The following NTNG2 variants were observed in gnomAD, a reference collection of about 807,000 sequenced individuals.
The protein encoded by NTNG2 is netrin-G2.
A neutral mutation model predicts 47.6 loss-of-function variants in NTNG2; 15 were observed. That is an observed-to-expected ratio of 0.32 (90% CI 0.21 to 0.49). The LOEUF (loss-of-function observed/expected upper bound fraction) is 0.49, where lower values mean the gene tolerates loss of function less well. Among genes scored for constraint, NTNG2 ranks in the 20% least tolerant of loss-of-function variants. The probability of loss-of-function intolerance (pLI) is 0.99; values close to 1 mark genes in which losing one functional copy is unlikely to be tolerated. For synonymous variants in NTNG2, 307 were observed against 324.6 expected (o/e 0.95, Z 0.58); for missense variants, 578 against 764.6 (o/e 0.76, Z 2.88).
chr9:132,185,174 G>A (rs895944956), intron 2 of NTNG2, among the ~76,000 whole-genome samples: 1 of 152,180 alleles, frequency 6.6e-6, no homozygotes, highest in Non-Finnish European at 1.5e-5. Flanking sequence ...TGGGGACCAG[G>A]CTTCACTCTC....
chr9:132,193,578 T>C (rs1410527036), intron 2 of NTNG2, among the ~76,000 whole-genome samples: 1 of 152,102 alleles, frequency 6.6e-6, no homozygotes, highest in Non-Finnish European at 1.5e-5. Flanking sequence ...TGACGCAGTG[T>C]GACGCCACTT....
intron 5 of NTNG2, among the ~76,000 whole-genome samples, chr9:132,238,733 T>A (rs2777470): frequency 6.6e-6 from 1 of 152,228 alleles, no homozygotes; most frequent in South Asian, 2.1e-4. Context: ...GGCATGACCC[T>A]GCCCTCCTTG....
At chr9:132,217,588 CTTG>C (rs1396737874) in intron 3 of NTNG2, among the ~76,000 whole-genome samples, 2 of 152,198 alleles carry the variant, frequency 1.3e-5, no homozygotes, top group African/African-American at 2.4e-5. Flanking sequence ...GATAACTTCA[CTTG>C]TTGAAAGCTC....
At chr9:132,184,899 A>G (rs942044462) in intron 2 of NTNG2, among the ~76,000 whole-genome samples, 17 of 152,250 alleles carry the variant, frequency 1.1e-4, no homozygotes, top group Admixed American at 3.3e-4. Context: ...TCCAGCCTGG[A>G]CAACAAGAGC....
chr9:132,181,289 C>G (rs1836913893), intron 2 of NTNG2, among the ~76,000 whole-genome samples: 1 of 149,506 alleles, frequency 6.7e-6, no homozygotes, highest in Non-Finnish European at 1.5e-5. Context: ...TGCCATGTTG[C>G]CCAGGCTGGT....
At chr9:132,212,886 C>T (rs887072382) in intron 3 of NTNG2, among the ~76,000 whole-genome samples, 6 of 152,126 alleles carry the variant, frequency 3.9e-5, no homozygotes, top group African/African-American at 1.4e-4. Flanking sequence ...GGCTGCTGCC[C>T]ATCTCCCCAC....
At chr9:132,229,581 T>G (rs1412987892) in intron 4 of NTNG2, among the ~76,000 whole-genome samples, 1 of 152,150 alleles carries the variant, frequency 6.6e-6, no homozygotes, top group African/African-American at 2.4e-5. Flanking sequence ...AGAGCCTCAC[T>G]TGGTCACCAC....
intron 7 of NTNG2, chr9:132,241,327 C>T (rs1489356638): frequency 6.8e-6 from 3 of 439,526 alleles, no homozygotes; most frequent in Non-Finnish European, 8.0e-6. Context: ...GACCCGGGGG[C>T]GGTGGACGGG....
chr9:132,229,270 C>T (rs928652608), intron 4 of NTNG2, among the ~76,000 whole-genome samples: 1 of 152,146 alleles, frequency 6.6e-6, no homozygotes, highest in African/African-American at 2.4e-5. Context: ...CTAATTTTGC[C>T]CTCACCCTGC....
At chr9:132,219,233 GA>G (rs991338151) in intron 3 of NTNG2, among the ~76,000 whole-genome samples, 20 of 141,888 alleles carry the variant, frequency 1.4e-4, no homozygotes, top group South Asian at 4.5e-4. Context: ...AAAAAAAAAA[GA>G]AAAAAAAAGT....
Position 132,180,961 on chromosome 9 carries a change from A to G in NTNG2, c.213+13917A>G, listed in dbSNP as rs1374695267. Among the ~76,000 whole-genome samples the G allele has an allele frequency of 6.6e-6, 1 of 152,230 alleles. No homozygotes were observed. Among genetic ancestry groups the G allele is most frequent in the East Asian group, 1.9e-4 (1 of 5,200 alleles). ...TTCAGGGACTTCCCAGATTTCTCTG[A>G]GTCCATCCGTGGTCACTTTCGGTCA... On this transcript the variant is annotated intron_variant, in intron 2 of 7. Transcript: ENST00000393229. This position sits in a 1 kb window ranked among gnomAD's most constrained non-coding sequence, Gnocchi z 4.2.
At chr9:132,175,884 G>A (rs1564386933) in intron 2 of NTNG2, among the ~76,000 whole-genome samples, 1 of 152,186 alleles carries the variant, frequency 6.6e-6, no homozygotes, top group Non-Finnish European at 1.5e-5. Flanking sequence ...TGGGAGTTTA[G>A]GGAAATCCAG....
At chr9:132,203,423 G>A (rs558345803) in intron 3 of NTNG2, among the ~76,000 whole-genome samples, 26 of 152,104 alleles carry the variant, frequency 1.7e-4, no homozygotes, top group Admixed American at 5.2e-4. Context: ...TGGTACCAGC[G>A]GAAGCGATAG....
chr9:132,179,954 A>G (rs1396946949), intron 2 of NTNG2, among the ~76,000 whole-genome samples: 2 of 152,128 alleles, frequency 1.3e-5, no homozygotes, highest in African/African-American at 2.4e-5. Context: ...AGGGAATTGT[A>G]TTGGAATATC....
chr9:132,167,665 G>C (rs1835596582), intron 2 of NTNG2, among the ~76,000 whole-genome samples: 1 of 152,158 alleles, frequency 6.6e-6, no homozygotes, highest in African/African-American at 2.4e-5. Flanking sequence ...GCAGCCCCTG[G>C]GTAAGTCGGG....
rs188733790 is a variant in NTNG2 at position 132,230,468 on chromosome 9, G to A, written c.1031-104G>A. Reference sequence around the variant, plus strand: ...GTGGAGCAGGTGCTCTTGAGGGAGCGACACCTCCAGGTGCTCCCCTGCCCT... The same window carrying A: ...GTGGAGCAGGTGCTCTTGAGGGAGCAACACCTCCAGGTGCTCCCCTGCCCT... On this transcript the variant is annotated intron_variant, in intron 4 of 7. Coordinates refer to ENST00000393229, the MANE Select transcript of NTNG2 (RefSeq NM_032536.4). 2.8e-4 allele frequency: 288 copies of A among 1,040,650 alleles called. 1 individual carries two copies. The East Asian group carries it at 6.1e-3, about 22-fold the overall frequency. 64.5% of individuals were successfully genotyped at this position (1,040,650 alleles called of 1,614,324 possible).
rs1455646299 is a variant in NTNG2, at chr9:132,166,761, C to T, written c.-71C>T. On this transcript the variant is annotated 5_prime_UTR_variant, in exon 2 of 8. An upstream open reading frame in the 5' UTR gains an earlier in-frame stop. Transcript: ENST00000393229. ...ATGTGGCATTTCCATGCTGAGGCCG[C>T]GAGTCCCGCCTGACCCCGTCGCTGC... 6.1e-6 allele frequency: 9 copies of T among 1,465,688 alleles called. No homozygotes were observed. Among genetic ancestry groups the T allele is most frequent in the East Asian group, 2.3e-5 (1 of 44,036 alleles). 90.8% of individuals were successfully genotyped at this position (1,465,688 alleles called of 1,614,324 possible).
rs1210006451 is a variant in NTNG2 at position 132,215,277 on chromosome 9, A to T, written c.858-11572A>T. Reference sequence around the variant, plus strand: ...TTGTGGCATGGGGCTCTGTGGGGAAATGACTCCAAGAGGCCAGTGGGGGCC... The same window carrying T: ...TTGTGGCATGGGGCTCTGTGGGGAATTGACTCCAAGAGGCCAGTGGGGGCC... On this transcript the variant is annotated intron_variant, in intron 3 of 7. Coordinates refer to ENST00000393229, the MANE Select transcript of NTNG2 (RefSeq NM_032536.4). The surrounding 1 kb of genome is among the most constrained non-coding windows in gnomAD (Gnocchi z 4.2). Among the ~76,000 whole-genome samples the T allele has an allele frequency of 6.6e-6, 1 of 152,144 alleles. No homozygotes were observed. Among genetic ancestry groups the T allele is most frequent in the Non-Finnish European group, 1.5e-5 (1 of 68,024 alleles).
At chr9:132,220,824 A>C (rs1008717332) in intron 3 of NTNG2, among the ~76,000 whole-genome samples, 2 of 152,142 alleles carry the variant, frequency 1.3e-5, no homozygotes, top group African/African-American at 4.8e-5. Flanking sequence ...ATGTGATGTG[A>C]AGGGTCCAAC....
Sources: allele counts gnomAD v4.1 joint callset (sites outside exome capture counted in the v4.1 genomes callset), GRCh38; gene constraint gnomAD v4.1.1; non-coding constraint Gnocchi (gnomAD v3.1); transcripts MANE v1.5; gene names NCBI Gene and HGNC (gene_info 2026-07-23, HGNC 2026-07-21).